The following EEA1 variants were observed in gnomAD, a reference collection of about 807,000 sequenced individuals.
EEA1 encodes the protein early endosome antigen 1, also known as early endosome antigen 1, 162kD.
EEA1 carries 111 observed loss-of-function variants against 209.2 expected under a neutral mutation model. That is an observed-to-expected ratio of 0.53 (90% CI 0.45 to 0.62). The LOEUF is 0.62. EEA1 is among the 20% of genes least tolerant of loss of function. EEA1 has a pLI of 0.00. For synonymous variants in EEA1, 536 were observed against 540.6 expected, an observed-to-expected ratio of 0.99 and a Z score of 0.12; for missense variants, 1,343 against 1,530.8, an observed-to-expected ratio of 0.88 and a Z score of 2.05.
Position 92,929,196 on chromosome 12 carries a change from TGGCGACGGCCGCTCG to T in EEA1, c.-145_-131del. 1 of 862,428 alleles carries T rather than the reference TGGCGACGGCCGCTCG, an allele frequency of 1.2e-6. No homozygotes were observed. Among genetic ancestry groups the T allele is most frequent in the East Asian group, 3.8e-5 (1 of 26,236 alleles). 53.4% of individuals were successfully genotyped at this position (862,428 alleles called of 1,614,324 possible). A position where few individuals can be genotyped will look rare whatever the true frequency, so the allele number is the denominator to read the frequency against. On this transcript the variant is annotated 5_prime_UTR_variant, in exon 1 of 29. Coordinates refer to ENST00000322349, the MANE Select transcript of EEA1 (RefSeq NM_003566.4). ...CGGGAAGGAGGTCGGGGCGAGGCGG[TGGCGACGGCCGCTCG>T]GGCGGCCCCGACTTCCCCACAGGCG...
At position 92,775,884 on chromosome 12, in the gene EEA1, A is replaced by G. The variant is rs1387366713; in HGVS notation, c.*127T>C. On this transcript the variant is annotated 3_prime_UTR_variant, in exon 29 of 29. Transcript: ENST00000322349. Reference sequence around the variant, plus strand: ...TGATATCCATAACATTCCAAAATATACTAATTCCTATTTGGTCTAGTATTG... The same window carrying G: ...TGATATCCATAACATTCCAAAATATGCTAATTCCTATTTGGTCTAGTATTG... 2 of 894,748 alleles carry G rather than the reference A, an allele frequency of 2.2e-6. No individual in the cohort carries two copies. Among genetic ancestry groups the G allele is most frequent in the Non-Finnish European group, 3.1e-6 (2 of 641,996 alleles). 55.4% of individuals were successfully genotyped at this position (894,748 alleles called of 1,614,324 possible).
intron 1 of EEA1, among the ~76,000 whole-genome samples, chr12:92,895,194 C>CT (rs71069189): frequency 0.37 from 45,619 of 123,722 alleles, 10,052 homozygotes; most frequent in East Asian, 0.89. Context: ...CTCACTCTGT[C>CT]GCCCAGGCTG....
intron 1 of EEA1, among the ~76,000 whole-genome samples, chr12:92,892,116 G>C (rs1592761706): frequency 6.6e-6 from 1 of 151,770 alleles, no homozygotes; most frequent in Non-Finnish European, 1.5e-5. Flanking sequence ...TTTGAGTTGG[G>C]GTCTTGCTCT....
chr12:92,800,246 G>A (rs1339032029), intron 20 of EEA1, among the ~76,000 whole-genome samples: 1 of 152,000 alleles, frequency 6.6e-6, no homozygotes, highest in Non-Finnish European at 1.5e-5. Flanking sequence ...ATACACTGTA[G>A]AATAGTTACC....
intron 14 of EEA1, 139 bp downstream of exon 14, chr12:92,819,169 A>G (rs1362552319): frequency 3.1e-5 from 20 of 655,616 alleles, no homozygotes; most frequent in Middle Eastern, 8.8e-4. Flanking sequence ...GGTACATGAG[A>G]TGCTATTTGG....
intron 2 of EEA1, among the ~76,000 whole-genome samples, chr12:92,872,641 G>A (rs535087878): frequency 2.0e-5 from 3 of 152,234 alleles, no homozygotes; most frequent in Admixed American, 6.5e-5. Context: ...ATGGCTTGAG[G>A]TTTTGTCAAA....
At chr12:92,839,482 T>G (rs143967819) in intron 10 of EEA1, among the ~76,000 whole-genome samples, 1 of 152,302 alleles carries the variant, frequency 6.6e-6, no homozygotes, top group African/African-American at 2.4e-5. Context: ...AGACTAAATT[T>G]TCTTCATATA....
At chr12:92,855,089 T>C (rs1231074167) in intron 5 of EEA1, among the ~76,000 whole-genome samples, 6 of 152,194 alleles carry the variant, frequency 3.9e-5, no homozygotes, top group Non-Finnish European at 7.3e-5. Flanking sequence ...TTGCATTAGT[T>C]AAAACATGCT....
At chr12:92,780,677 A>G (rs1265440547) in intron 23 of EEA1, among the ~76,000 whole-genome samples, 1 of 152,200 alleles carries the variant, frequency 6.6e-6, no homozygotes, top group Non-Finnish European at 1.5e-5. Flanking sequence ...CTGCAAAACT[A>G]CGATTCTTAC....
At position 92,809,264 on chromosome 12, in the gene EEA1, A is replaced by C. The variant is rs1875367657; in HGVS notation, c.2200-108T>G. 1.6e-5 allele frequency: 12 copies of C among 766,502 alleles called. No individual in the cohort carries two copies. The East Asian group carries it at 4.0e-4, about 25-fold the overall frequency. 47.5% of individuals were successfully genotyped at this position (766,502 alleles called of 1,614,324 possible). A position where few individuals can be genotyped will look rare whatever the true frequency, so the allele number is the denominator to read the frequency against. Reference sequence around the variant, plus strand: ...TATTCAAACAGGTGTGACATACAAAAAAAAATTTATTATAATAAAAAACAT... The same window carrying C: ...TATTCAAACAGGTGTGACATACAAACAAAAATTTATTATAATAAAAAACAT... On this transcript the variant is annotated intron_variant, in intron 17 of 28. Transcript: ENST00000322349.
chr12:92,829,837 G>A (rs1022587977), intron 11 of EEA1, among the ~76,000 whole-genome samples: 2 of 144,600 alleles, frequency 1.4e-5, no homozygotes, highest in African/African-American at 5.1e-5. Context: ...AATAAAAAAT[G>A]AGTAAGAGAT....
At chr12:92,822,447 T>G (rs1876103407) in intron 13 of EEA1, among the ~76,000 whole-genome samples, 1 of 152,184 alleles carries the variant, frequency 6.6e-6, no homozygotes, top group Admixed American at 6.5e-5. Flanking sequence ...TCAATTTACT[T>G]CTTAATTGCT....
Position 92,782,131 on chromosome 12 carries a change from A to G in EEA1, c.3155T>C (p.Val1052Ala). The change falls in exon 23 of 29, where the codon GTA becomes GCA. Residue 1052 changes from valine to alanine, a missense_variant. Coordinates refer to ENST00000322349, the MANE Select transcript of EEA1 (RefSeq NM_003566.4). ...LLATRQDLKSVEEKLSLAQED... is the reference protein window; with the variant it reads ...LLATRQDLKSAEEKLSLAQED... ...CTGTGCTAGAGAAAGCTTCTCTTCT[A>G]CAGACTTACAAAAACAATTTTCCCA... 6.3e-7 allele frequency: 1 copy of G among 1,595,852 alleles called. No individual in the cohort carries two copies. Among genetic ancestry groups the G allele is most frequent in the African/African-American group, 1.4e-5 (1 of 74,050 alleles).
At chr12:92,849,343 G>T (rs1485442704) in intron 9 of EEA1, among the ~76,000 whole-genome samples, 1 of 152,018 alleles carries the variant, frequency 6.6e-6, no homozygotes, top group Admixed American at 6.6e-5. Flanking sequence ...ATAAATGACT[G>T]GGTTCACCCT....
At chr12:92,924,159 C>A (rs1446620828) in intron 1 of EEA1, among the ~76,000 whole-genome samples, 3 of 147,190 alleles carry the variant, frequency 2.0e-5, no homozygotes, top group Non-Finnish European at 4.5e-5. Flanking sequence ...ACACCAAAAA[C>A]AACAACAAAA....
At chr12:92,869,724 G>T (rs1272104384) in intron 2 of EEA1, among the ~76,000 whole-genome samples, 1 of 113,766 alleles carries the variant, frequency 8.8e-6, no homozygotes, top group Non-Finnish European at 1.6e-5. Context: ...CTGCACTCCA[G>T]CCTGGGTGAC....
chr12:92,822,949 C>T (rs1876126237), intron 13 of EEA1, among the ~76,000 whole-genome samples: 1 of 152,142 alleles, frequency 6.6e-6, no homozygotes, highest in African/African-American at 2.4e-5. Flanking sequence ...GCATCCACCG[C>T]TACCAACCTG....
At chr12:92,844,475 T>C (rs1384978017) in intron 9 of EEA1, among the ~76,000 whole-genome samples, 3 of 152,160 alleles carry the variant, frequency 2.0e-5, no homozygotes, top group Non-Finnish European at 4.4e-5. Flanking sequence ...CATAATCTTA[T>C]ACAATTCAAA....
At chr12:92,802,290 C>A in intron 19 of EEA1, 114 bp downstream of exon 19, 1 of 994,546 alleles carries the variant, frequency 1.0e-6, no homozygotes, top group Non-Finnish European at 1.4e-6. Flanking sequence ...ATAAGAACTA[C>A]TTTAAACTAT....
Sources: allele counts gnomAD v4.1 joint callset (sites outside exome capture counted in the v4.1 genomes callset), GRCh38; gene constraint gnomAD v4.1.1; transcripts MANE v1.5; gene names NCBI Gene and HGNC (gene_info 2026-07-23, HGNC 2026-07-21).